The following WRNIP1 variants were observed in gnomAD, a reference collection of about 807,000 sequenced individuals.
WRNIP1 encodes the protein ATPase WRNIP1.
In WRNIP1, 41 loss-of-function variants were observed where a neutral mutation model predicts 56.1. The ratio of observed to expected loss-of-function variants is 0.73; its 90% confidence interval spans 0.57 to 0.95. The LOEUF is 0.95. Among genes scored for constraint, WRNIP1 ranks in the 40% least tolerant of loss-of-function variants. The probability of loss-of-function intolerance (pLI) is 0.00; values close to 1 mark genes in which losing one functional copy is unlikely to be tolerated. For missense variants in WRNIP1, 1,170 were observed against 939.4 expected (o/e 1.25, Z -3.21); for synonymous variants, 547 against 398.1 (o/e 1.37, Z -4.45).
At chr6:2,779,134 GT>G (rs1765499901) in intron 3 of WRNIP1, 128 bp from the exon 4 acceptor site, 2 of 925,526 alleles carry the variant, frequency 2.2e-6, no homozygotes, top group Non-Finnish European at 1.6e-6. Context: ...ATTGACAAAG[GT>G]GAGAATAAGA....
intron 3 of WRNIP1, chr6:2,773,337 C>T (rs558867774): frequency 1.0e-6 from 1 of 985,298 alleles, no homozygotes; most frequent in Non-Finnish European, 1.2e-6. Flanking sequence ...ACTTCCAGTG[C>T]CACGCTTATA....
intron 3 of WRNIP1, among the ~76,000 whole-genome samples, chr6:2,777,204 T>C (rs1346995627): frequency 6.6e-6 from 1 of 152,220 alleles, no homozygotes; most frequent in Admixed American, 6.5e-5. Context: ...AGTAAAGGTT[T>C]CACTCTGAGA....
At position 2,773,547 on chromosome 6, in the gene WRNIP1, A is replaced by C. The variant is rs529457204; in HGVS notation, c.1256+3186A>C. ...TAGTGTTCAGGTATTTTGCTCTCCC[A>C]AAAATATTTGGATCACATGATACAA... is the stretch of plus-strand genomic sequence containing the variant. On this transcript the variant is annotated intron_variant, in intron 3 of 6. Coordinates refer to ENST00000380773, the MANE Select transcript of WRNIP1 (RefSeq NM_020135.3). The C allele has an allele frequency of 1.5e-4, 151 of 985,316 alleles. No homozygotes were observed. The Middle Eastern group carries it at 4.2e-3, about 27-fold the overall frequency. The allele number at this position is 985,316 out of a possible 1,614,324, so 61.0% of individuals were successfully genotyped here. A position where few individuals can be genotyped will look rare whatever the true frequency, so the allele number is the denominator to read the frequency against.
intron 2 of WRNIP1, among the ~76,000 whole-genome samples, chr6:2,769,498 T>TA (rs946333058): frequency 1.3e-5 from 2 of 152,172 alleles, no homozygotes; most frequent in African/African-American, 4.8e-5. Flanking sequence ...GGCATAACTT[T>TA]AAAAAATTTT....
intron 3 of WRNIP1, 152 bp from the exon 4 acceptor site, chr6:2,779,111 G>T (rs1300745097): frequency 1.3e-5 from 10 of 770,992 alleles, no homozygotes; most frequent in Non-Finnish European, 1.7e-5. Flanking sequence ...TAGTCTTGAT[G>T]ATGCTTAAGC....
Position 2,766,010 on chromosome 6 carries a change from C to G in WRNIP1, c.388C>G (p.Arg130Gly). The change falls in exon 1 of 7, where the codon CGC (arginine) becomes GGC (glycine). Residue 130 changes from arginine (R) to glycine (G), a missense_variant. Transcript: ENST00000380773. ...ARLIPDFPVARSSSPGRKGSG... is the reference protein window; with the variant it reads ...ARLIPDFPVAGSSSPGRKGSG... Reference sequence around the variant, plus strand: ...CCTTATCCCCGACTTCCCGGTGGCCCGCTCCAGCAGCCCCGGGAGGAAGGG... The same window carrying G: ...CCTTATCCCCGACTTCCCGGTGGCCGGCTCCAGCAGCCCCGGGAGGAAGGG... 1 of 1,350,174 alleles carries G rather than the reference C, an allele frequency of 7.4e-7. No homozygotes were observed. Among genetic ancestry groups the G allele is most frequent in the Non-Finnish European group, 9.5e-7 (1 of 1,049,946 alleles). The allele number at this position is 1,350,174 out of a possible 1,614,324, so 83.6% of individuals were successfully genotyped here. A position where few individuals can be genotyped will look rare whatever the true frequency, so the allele number is the denominator to read the frequency against.
At chr6:2,776,769 C>T (rs1382274418) in intron 3 of WRNIP1, among the ~76,000 whole-genome samples, 1 of 152,088 alleles carries the variant, frequency 6.6e-6, no homozygotes, top group African/African-American at 2.4e-5. Flanking sequence ...ATAAGGCTGC[C>T]CATCTCGTCA....
intron 1 of WRNIP1, among the ~76,000 whole-genome samples, chr6:2,768,440 G>C (rs1229218891): frequency 6.6e-6 from 1 of 152,226 alleles, no homozygotes; most frequent in Non-Finnish European, 1.5e-5. Context: ...ATCAAAGGTG[G>C]TTAGGGACAG....
chr6:2,766,161 C>A lies in WRNIP1; in HGVS notation c.539C>A (p.Ala180Glu). ...GDGDGDGDAD[A>E]DGEDDPGHWD... ...GGCGATGGCGACGGGGACGCGGACG[C>A]GGACGGCGAGGACGACCCGGGGCAC... The change falls in exon 1 of 7, where the codon GCG becomes GAG. Residue 180 changes from alanine (A) to glutamate (E), a missense_variant. Physicochemically the swap from Ala to Glu is moderately radical, Grantham distance 107 (BLOSUM62 -1). Transcript: ENST00000380773. The A allele has an allele frequency of 7.5e-7, 1 of 1,333,076 alleles. No homozygotes were observed. The highest frequency in any genetic ancestry group is 9.5e-7 in the Non-Finnish European group (1 of 1,048,276). The allele number at this position is 1,333,076 out of a possible 1,614,324, so 82.6% of individuals were successfully genotyped here.
intron 6 of WRNIP1, 33 bp downstream of exon 6, chr6:2,784,436 T>G: frequency 6.2e-7 from 1 of 1,601,772 alleles, no homozygotes; most frequent in Non-Finnish European, 8.6e-7. Context: ...TGCAAATCAC[T>G]TCTTTTCTCT....
chr6:2,782,929 A>C (rs959872401), intron 4 of WRNIP1, among the ~76,000 whole-genome samples: 2 of 152,204 alleles, frequency 1.3e-5, no homozygotes, highest in African/African-American at 4.8e-5. Context: ...GGATATCAGA[A>C]AGGCAGCTGG....
intron 3 of WRNIP1, among the ~76,000 whole-genome samples, chr6:2,776,629 G>C (rs1031026850): frequency 2.0e-5 from 3 of 152,192 alleles, no homozygotes; most frequent in Non-Finnish European, 4.4e-5. Flanking sequence ...CTTATTCACA[G>C]CATACTGTTG....
In WRNIP1 at chr6:2,778,394, A is replaced by G. The variant is rs138228760; in HGVS notation, c.1257-869A>G. On this transcript the variant is annotated intron_variant, in intron 3 of 6. Coordinates refer to ENST00000380773, the MANE Select transcript of WRNIP1 (RefSeq NM_020135.3). ...ACCCCACTAAGTTATGAAATGTGTT[A>G]GATGTCTTGTTTAACTCAACTAGGG... 5.4e-3 allele frequency among the ~76,000 whole-genome samples: 830 copies of G among 152,318 alleles called. 9 individuals are homozygous for G. Among genetic ancestry groups the G allele is most frequent in the African/African-American group, 0.018 (763 of 41,562 alleles).
rs1393340142 is a variant in WRNIP1 at position 2,766,359 on chromosome 6, T to C, written c.737T>C (p.Val246Ala). The C allele has an allele frequency of 1.2e-6, 2 of 1,610,140 alleles. No individual in the cohort carries two copies. Among genetic ancestry groups the C allele is most frequent in the Non-Finnish European group, 1.7e-6 (2 of 1,178,798 alleles). ...LQDYFGQSKA[V>A]GQDTLLRSLL... ...GATTACTTCGGGCAGAGCAAGGCCGTGGGCCAGGATACCCTGCTGCGCTCG... is the reference window on the plus strand; with the variant it reads ...GATTACTTCGGGCAGAGCAAGGCCGCGGGCCAGGATACCCTGCTGCGCTCG... Residue 246 changes from valine to alanine, a missense_variant, in exon 1 of 7, where the codon GTG becomes GCG. Physicochemically the swap from Val to Ala is moderately conservative, Grantham distance 64. Transcript: ENST00000380773.
chr6:2,778,514 T>C (rs1177977889), intron 3 of WRNIP1, among the ~76,000 whole-genome samples: 1 of 152,218 alleles, frequency 6.6e-6, no homozygotes, highest in East Asian at 1.9e-4. Flanking sequence ...TTAGTCCTGA[T>C]GTTCAGAGAG....
chr6:2,783,631 T>C (rs1346313774), intron 5 of WRNIP1, 70 bp downstream of exon 5: 2 of 672,560 alleles, frequency 3.0e-6, no homozygotes, highest in Non-Finnish European at 1.9e-6. Flanking sequence ...AGTTACATCG[T>C]GGCTTTTTTT....
At chr6:2,781,218 A>G (rs1222761397) in intron 4 of WRNIP1, among the ~76,000 whole-genome samples, 1 of 152,234 alleles carries the variant, frequency 6.6e-6, no homozygotes, top group Non-Finnish European at 1.5e-5. Context: ...TCCACGTTGC[A>G]GAGCTCTGCA....
chr6:2,773,700 C>T lies in WRNIP1; in HGVS notation c.1256+3339C>T, dbSNP rs904971020. The T allele has an allele frequency of 1.3e-5, 13 of 985,178 alleles. No homozygotes were observed. The African/African-American group carries it at 1.9e-4, about 15-fold the overall frequency. The allele number at this position is 985,178 out of a possible 1,614,324, so 61.0% of individuals were successfully genotyped here. On this transcript the variant is annotated intron_variant, in intron 3 of 6. Transcript: ENST00000380773. ...AGTAAGCTAGCATTTCGTCATCCTGCACTACTTGCTGCTTTGAAGGAATAT... is the reference window on the plus strand; with the variant it reads ...AGTAAGCTAGCATTTCGTCATCCTGTACTACTTGCTGCTTTGAAGGAATAT...
rs1375219143 is a variant in WRNIP1 at position 2,784,240 on chromosome 6, TG to T, written c.1643-82del. On this transcript the variant is annotated intron_variant, in intron 5 of 6. Coordinates refer to ENST00000380773, the MANE Select transcript of WRNIP1 (RefSeq NM_020135.3). Reference sequence around the variant, plus strand: ...TTTTGGTCACCAAGTGTACAAGCAGTGGTGGTCTGTGGTCGCCTGCACATAG... The same window carrying T: ...TTTTGGTCACCAAGTGTACAAGCAGTGTGGTCTGTGGTCGCCTGCACATAG... The T allele has an allele frequency of 9.3e-6, 12 of 1,287,912 alleles. 1 individual carries two copies. The African/African-American group carries it at 1.6e-4, about 17-fold the overall frequency. The allele number at this position is 1,287,912 out of a possible 1,614,324, so 79.8% of individuals were successfully genotyped here.
Sources: allele counts gnomAD v4.1 joint callset (sites outside exome capture counted in the v4.1 genomes callset), GRCh38; gene constraint gnomAD v4.1.1; transcripts MANE v1.5; gene names NCBI Gene and HGNC (gene_info 2026-07-23, HGNC 2026-07-21).